CNTNAP2: variants seen among roughly 807,000 people sequenced by gnomAD.
CNTNAP2 encodes the protein contactin-associated protein-like 2.
In CNTNAP2, 98 loss-of-function variants were observed where a neutral mutation model predicts 155.2. That is an observed-to-expected ratio of 0.63 (90% CI 0.54 to 0.75). CNTNAP2 has a LOEUF of 0.75. Among genes scored for constraint, CNTNAP2 ranks in the 30% least tolerant of loss-of-function variants. The pLI is 0.00. For synonymous variants in CNTNAP2, 651 were observed against 631.2 expected, an observed-to-expected ratio of 1.03 and a Z score of -0.47; for missense variants, 1,727 against 1,688.1, an observed-to-expected ratio of 1.02 and a Z score of -0.40.
intron 1 of CNTNAP2, among the ~76,000 whole-genome samples, chr7:146,657,264 A>G (rs886187663): frequency 1.3e-5 from 2 of 152,180 alleles, no homozygotes; most frequent in African/African-American, 4.8e-5. Context: ...TTTACTTGGT[A>G]TTCCAACCTA....
At chr7:146,397,871 C>CTTTTTTTTTTTTTTTTTT (rs1438446898) in intron 1 of CNTNAP2, among the ~76,000 whole-genome samples, 2 of 126,918 alleles carry the variant, frequency 1.6e-5, no homozygotes, top group African/African-American at 3.4e-5. Flanking sequence ...ATTTGACAGG[C>CTTTTTTTTTTTTTTTTTT]TTTTATTTAT....
intron 13 of CNTNAP2, among the ~76,000 whole-genome samples, chr7:147,790,937 A>T (rs1042533764): frequency 7.9e-5 from 12 of 152,148 alleles, no homozygotes; most frequent in African/African-American, 2.9e-4. Flanking sequence ...TTTTTCGATA[A>T]ATTTCCTGTA....
rs554212243 is a variant in CNTNAP2, at chr7:148,335,574, T to C, written c.3476-48075T>C. 1.1e-3 allele frequency among the ~76,000 whole-genome samples: 163 copies of C among 152,272 alleles called. 1 individual carries two copies. Among genetic ancestry groups the C allele is most frequent in the African/African-American group, 3.9e-3 (160 of 41,552 alleles). On this transcript the variant is annotated intron_variant, in intron 21 of 23. Transcript: ENST00000361727. ...ATCAGATATACACCTAGCTTATAAT[T>C]ACGTGTCAAGAGAAGGAAGATTAGG...
At chr7:146,484,504 T>G (rs1170332746) in intron 1 of CNTNAP2, among the ~76,000 whole-genome samples, 4 of 152,176 alleles carry the variant, frequency 2.6e-5, no homozygotes, top group African/African-American at 9.7e-5. Context: ...CAGGATAACA[T>G]AAATACTCAA....
At chr7:147,478,528 C>A (rs925339409) in intron 10 of CNTNAP2, among the ~76,000 whole-genome samples, 1 of 152,118 alleles carries the variant, frequency 6.6e-6, no homozygotes, top group Non-Finnish European at 1.5e-5. Context: ...GTCATGAAAA[C>A]CTTTGGGTAG....
At chr7:147,292,007 C>T (rs1326707023) in intron 8 of CNTNAP2, among the ~76,000 whole-genome samples, 2 of 152,114 alleles carry the variant, frequency 1.3e-5, no homozygotes, top group Non-Finnish European at 2.9e-5. Flanking sequence ...AAGATACATG[C>T]ACTGAAAATA....
chr7:147,633,390 G>A (rs1421431258), intron 12 of CNTNAP2, among the ~76,000 whole-genome samples: 1 of 152,200 alleles, frequency 6.6e-6, no homozygotes, highest in Non-Finnish European at 1.5e-5. Flanking sequence ...TCCTCTGCTA[G>A]GGCAGTGCAG....
chr7:146,241,286 A>T (rs28453137), intron 1 of CNTNAP2, among the ~76,000 whole-genome samples: 2,575 of 152,224 alleles, frequency 0.017, 64 homozygotes, highest in African/African-American at 0.059. Flanking sequence ...AGTCCTCTAA[A>T]ATGAGGTGTG....
chr7:146,560,617 A>G (rs2372610), intron 1 of CNTNAP2, among the ~76,000 whole-genome samples: 45,915 of 151,850 alleles, frequency 0.3, 7,130 homozygotes, highest in East Asian at 0.51. Context: ...ATCCTGCCAT[A>G]TTAGAGTAGG....
At chr7:148,348,546 T>A (rs1425910170) in intron 21 of CNTNAP2, among the ~76,000 whole-genome samples, 1 of 152,170 alleles carries the variant, frequency 6.6e-6, no homozygotes, top group East Asian at 1.9e-4. Context: ...GGCCAGGCCC[T>A]CACGGAGGAC....
At chr7:146,244,252 A>T (rs1016895841) in intron 1 of CNTNAP2, among the ~76,000 whole-genome samples, 3 of 152,208 alleles carry the variant, frequency 2.0e-5, no homozygotes, top group African/African-American at 7.2e-5. Flanking sequence ...CAGTTTGGGG[A>T]TAGCACCAGG....
intron 20 of CNTNAP2, among the ~76,000 whole-genome samples, chr7:148,234,908 A>C (rs1271675689): frequency 1.3e-5 from 2 of 152,244 alleles, no homozygotes; most frequent in African/African-American, 2.4e-5. Context: ...TCTACAAATC[A>C]AATGAACAGA....
intron 1 of CNTNAP2, among the ~76,000 whole-genome samples, chr7:146,339,296 G>A (rs1056916157): frequency 9.9e-5 from 15 of 152,102 alleles, no homozygotes; most frequent in African/African-American, 3.6e-4. Flanking sequence ...CATACACAGG[G>A]CTTGCAGAGG....
intron 13 of CNTNAP2, among the ~76,000 whole-genome samples, chr7:147,708,219 C>A (rs1033390237): frequency 6.6e-6 from 1 of 152,164 alleles, no homozygotes; most frequent in Non-Finnish European, 1.5e-5. Context: ...ACCCTGGGAA[C>A]AGCAGTCACT....
intron 13 of CNTNAP2, among the ~76,000 whole-genome samples, chr7:147,830,845 CT>C (rs375556275): frequency 4.3e-4 from 65 of 152,334 alleles, no homozygotes; most frequent in Middle Eastern, 3.4e-3. Flanking sequence ...GAAGCAGGTA[CT>C]GGTTATGAGT....
chr7:146,952,624 T>A (rs557139969), intron 3 of CNTNAP2, among the ~76,000 whole-genome samples: 1 of 152,168 alleles, frequency 6.6e-6, no homozygotes, highest in East Asian at 1.9e-4. Flanking sequence ...AGCATTCCTA[T>A]ACACCAATAA....
At chr7:147,210,955 A>G (rs1308492495) in intron 8 of CNTNAP2, among the ~76,000 whole-genome samples, 1 of 149,278 alleles carries the variant, frequency 6.7e-6, no homozygotes, top group Non-Finnish European at 1.5e-5. Context: ...CGTATGATTT[A>G]GATTTTTTTG....
At chr7:148,085,681 C>A (rs1033868791) in intron 15 of CNTNAP2, among the ~76,000 whole-genome samples, 1 of 149,228 alleles carries the variant, frequency 6.7e-6, no homozygotes. Context: ...TTCTTCCTTT[C>A]TTTTTTCTCT....
chr7:146,150,372 C>T (rs1474687783), intron 1 of CNTNAP2, among the ~76,000 whole-genome samples: 4 of 151,912 alleles, frequency 2.6e-5, no homozygotes, highest in South Asian at 2.1e-4. Flanking sequence ...ATATAGTCAC[C>T]CTATGACACA....
Sources: gnomAD v4.1 joint callset for allele counts (sites outside exome capture counted in the v4.1 genomes callset) on GRCh38, gnomAD v4.1.1 for gene constraint, MANE v1.5 for transcripts, NCBI Gene and HGNC (gene_info 2026-07-23, HGNC 2026-07-21) for gene names.